The following ZNF543 variants were observed in gnomAD, a reference collection of about 807,000 sequenced individuals.
ZNF543 encodes zinc finger protein 543.
In ZNF543, 10 loss-of-function variants were observed where a neutral mutation model predicts 13.4. That is an observed-to-expected ratio of 0.75 (90% CI 0.46 to 1.26). The LOEUF (loss-of-function observed/expected upper bound fraction) is 1.26. Ranked by LOEUF, ZNF543 falls within the 50% of genes most tolerant of loss-of-function variation. The pLI is 0.00. For synonymous variants in ZNF543, 272 were observed against 264.7 expected (o/e 1.03, Z -0.27); for missense variants, 768 against 741.2 (o/e 1.04, Z -0.42).
chr19:57,327,744 T>G lies in ZNF543; in HGVS notation c.282T>G (p.Ser94=), dbSNP rs1401982278. Residue 94 remains serine (S), a synonymous_variant, in exon 4 of 4, where the codon TCT becomes TCG. Coordinates refer to ENST00000321545, the MANE Select transcript of ZNF543 (RefSeq NM_213598.4). ...TKPKTTEPTF[S]HLALPEEVLL... is the part of the protein sequence containing the mutation. Reference sequence around the variant, plus strand: ...CCAAGACCACAGAGCCTACCTTTTCTCACCTGGCCTTGCCTGAGGAAGTCT... The same window carrying G: ...CCAAGACCACAGAGCCTACCTTTTCGCACCTGGCCTTGCCTGAGGAAGTCT... The G allele has an allele frequency of 1.9e-6, 3 of 1,612,574 alleles. No individual in the cohort carries two copies. The highest frequency in any genetic ancestry group is 3.4e-5 in the Admixed American group (2 of 59,610).
At position 57,322,583 on chromosome 19, in the gene ZNF543, GA is replaced by G. The variant is rs773241946; in HGVS notation, c.19-1097del. ...TTAACTGTGCATTAACTTTGCTAAT[GA>G]AGGAGTGTCGGGTTGCATGATTAGA... On this transcript the variant is annotated intron_variant, in intron 1 of 3. Transcript: ENST00000321545. Among the ~76,000 whole-genome samples, 36 of 152,136 alleles carry G rather than the reference GA, an allele frequency of 2.4e-4. No homozygotes were observed. The South Asian group carries it at 4.8e-3, about 20-fold the overall frequency.
In ZNF543 at chr19:57,328,285, C is replaced by G. The variant is rs1452433964; in HGVS notation, c.823C>G (p.Arg275Gly). ...CAGGTCACACCTCACACGGCACCAGCGGATTCACAGTGGAGAGAAGCCTTA... is the reference window on the plus strand; with the variant it reads ...CAGGTCACACCTCACACGGCACCAGGGGATTCACAGTGGAGAGAAGCCTTA... Reference protein sequence around the residue: ...NRRSHLTRHQRIHSGEKPYKC... With the variant: ...NRRSHLTRHQGIHSGEKPYKC... The change falls in exon 4 of 4, where the codon CGG becomes GGG. Residue 275 changes from arginine (R) to glycine (G), a missense_variant. Coordinates refer to ENST00000321545, the MANE Select transcript of ZNF543 (RefSeq NM_213598.4). 4.3e-6 allele frequency: 7 copies of G among 1,613,482 alleles called. No individual in the cohort carries two copies. The South Asian group carries it at 7.7e-5, about 18-fold the overall frequency.
rs2088133541 is a variant in ZNF543 at position 57,327,986 on chromosome 19, A to G, written c.524A>G (p.Glu175Gly). ...TKITQKQVSTEGDLYECDSHG... is the reference protein window; with the variant it reads ...TKITQKQVSTGGDLYECDSHG... ...ATTACACAGAAACAAGTTTCAACAGAAGGTGATCTCTATGAATGTGATTCA... is the reference window on the plus strand; with the variant it reads ...ATTACACAGAAACAAGTTTCAACAGGAGGTGATCTCTATGAATGTGATTCA... Residue 175 changes from glutamate (E) to glycine (G), a missense_variant, in exon 4 of 4, where the codon GAA becomes GGA. By Grantham distance (98) the Glu-to-Gly change is moderately conservative. Coordinates refer to ENST00000321545, the MANE Select transcript of ZNF543 (RefSeq NM_213598.4). 1 of 1,614,198 alleles carries G rather than the reference A, an allele frequency of 6.2e-7. No homozygotes were observed. The highest frequency in any genetic ancestry group is 8.5e-7 in the Non-Finnish European group (1 of 1,180,048).
At chr19:57,323,383 G>A (rs530865747) in intron 1 of ZNF543, among the ~76,000 whole-genome samples, 8 of 152,070 alleles carry the variant, frequency 5.3e-5, no homozygotes, top group Non-Finnish European at 1.2e-4. Context: ...TAGCAGAGAC[G>A]GGGTTTCACC....
intron 1 of ZNF543, among the ~76,000 whole-genome samples, chr19:57,322,086 A>G (rs1028646181): frequency 4.6e-5 from 7 of 152,128 alleles, no homozygotes; most frequent in Admixed American, 2.0e-4. Flanking sequence ...CCATGTTCTC[A>G]TGGCTACAAC....
rs35270500 is a variant in ZNF543, at chr19:57,328,150, A to G, written c.688A>G (p.Thr230Ala). The change falls in exon 4 of 4, where the codon ACA (threonine) becomes GCA (alanine). Residue 230 changes from threonine (T) to alanine (A), a missense_variant. Thr to Ala is a moderately conservative substitution (Grantham distance 58). Transcript: ENST00000321545. The part of the protein sequence containing the change: ...IHTQVKPYEC[T>A]ECGKTFSKST... ...CACTCAAGTGAAGCCCTATGAATGC[A>G]CAGAGTGTGGGAAAACCTTTAGCAA... The G allele has an allele frequency of 1.4e-3, 2,190 of 1,614,262 alleles. 3 individuals are homozygous for G. Among genetic ancestry groups the G allele is most frequent in the Middle Eastern group, 6.6e-3 (40 of 6,062 alleles).
At chr19:57,327,549 T>C (rs559468576) in intron 3 of ZNF543, among the ~76,000 whole-genome samples, 155 bp from the exon 4 acceptor site, 1 of 112,244 alleles carries the variant, frequency 8.9e-6, no homozygotes, top group Admixed American at 9.5e-5. Context: ...TTCACCATGT[T>C]GGCCAGGCTG....
chr19:57,327,788 C>G lies in ZNF543; in HGVS notation c.326C>G (p.Thr109Arg), dbSNP rs781566461. The G allele has an allele frequency of 6.2e-7, 1 of 1,614,094 alleles. No individual in the cohort carries two copies. The highest frequency in any genetic ancestry group is 1.1e-5 in the South Asian group (1 of 91,082). Residue 109 changes from threonine to arginine, a missense_variant, in exon 4 of 4, where the codon ACA becomes AGA. Physicochemically the swap from Thr to Arg is moderately conservative, Grantham distance 71 (BLOSUM62 -1). Around this residue, in one of 3 missense-constraint regions of ZNF543, gnomAD observed 677 missense variants for 631.4 expected, o/e 1.07. Transcript: ENST00000321545. ...GAAGTCTTACTCCAGGAACAACTGA[C>G]ACAAGGAGCCTCAAAGAACTCCCAA... is the stretch of plus-strand genomic sequence containing the variant. Reference protein sequence around the residue: ...PEEVLLQEQLTQGASKNSQLG... With the variant: ...PEEVLLQEQLRQGASKNSQLG...
At position 57,329,835 on chromosome 19, in the gene ZNF543, G is replaced by C. The variant is rs915451264; in HGVS notation, c.*570G>C. On this transcript the variant is annotated 3_prime_UTR_variant, in exon 4 of 4. Coordinates refer to ENST00000321545, the MANE Select transcript of ZNF543 (RefSeq NM_213598.4). ...CCATCTCAGGGATATTTAAACAAAG[G>C]AAGAGGAAATATAGGGAAGAGAAAG... 3.9e-5 allele frequency: 6 copies of C among 152,340 alleles called. No homozygotes were observed. The highest frequency in any genetic ancestry group is 1.4e-4 in the African/African-American group (6 of 41,450). 9.4% of individuals were successfully genotyped at this position (152,340 alleles called of 1,614,324 possible). A position where few individuals can be genotyped will look rare whatever the true frequency, so the allele number is the denominator to read the frequency against.
chr19:57,320,568 G>T lies in ZNF543; in HGVS notation c.-286G>T, dbSNP rs1006019261. On this transcript the variant is annotated 5_prime_UTR_variant, in exon 1 of 4. Transcript: ENST00000321545. ...CGTCCAGCGGCCTGAGCAGGGGAGG[G>T]TAATGAGGCTGTTACGCGCCTTCTC... 2 of 474,424 alleles carry T rather than the reference G, an allele frequency of 4.2e-6. No homozygotes were observed. The highest frequency in any genetic ancestry group is 7.6e-6 in the Non-Finnish European group (2 of 263,042). The allele number at this position is 474,424 out of a possible 1,614,324, so 29.4% of individuals were successfully genotyped here. A position where few individuals can be genotyped will look rare whatever the true frequency, so the allele number is the denominator to read the frequency against.
In ZNF543 at chr19:57,329,409, C is replaced by A; in HGVS notation, c.*144C>A. On this transcript the variant is annotated 3_prime_UTR_variant, in exon 4 of 4. Transcript: ENST00000321545. ...AACCAGCCTGGAGTCTTATTCTCCA[C>A]CTGAGAATTCACCCATGAGAGAGAC... The A allele has an allele frequency of 8.8e-7, 1 of 1,133,422 alleles. No homozygotes were observed. Among genetic ancestry groups the A allele is most frequent in the Non-Finnish European group, 1.2e-6 (1 of 812,796 alleles). The allele number at this position is 1,133,422 out of a possible 1,614,324, so 70.2% of individuals were successfully genotyped here. A position where few individuals can be genotyped will look rare whatever the true frequency, so the allele number is the denominator to read the frequency against.
chr19:57,328,642 C>G lies in ZNF543; in HGVS notation c.1180C>G (p.Pro394Ala). The G allele has an allele frequency of 6.2e-7, 1 of 1,613,960 alleles. No homozygotes were observed. The highest frequency in any genetic ancestry group is 8.5e-7 in the Non-Finnish European group (1 of 1,179,980). The change falls in exon 4 of 4, where the codon CCC (proline) becomes GCC (alanine). Residue 394 changes from proline to alanine, a missense_variant. Physicochemically the swap from Pro to Ala is conservative, Grantham distance 27 (BLOSUM62 -1). This residue lies in a region of ZNF543 where 677 missense variants were observed against 631.4 expected (regional missense o/e 1.07). Coordinates refer to ENST00000321545, the MANE Select transcript of ZNF543 (RefSeq NM_213598.4). The stretch of plus-strand genomic sequence containing the variant: ...CTACATTATCCACACTGGGGAGAAG[C>G]CCTATAAGTGCATGGAGTGTGGGAA... ...QHYIIHTGEK[P>A]YKCMECGKAF... is the part of the protein sequence containing the mutation.
In ZNF543 at chr19:57,320,801, G is replaced by C; in HGVS notation, c.-53G>C. On this transcript the variant is annotated 5_prime_UTR_variant, in exon 1 of 4. Transcript: ENST00000321545. ...CCGCCCAGGACAGAGAAGGGCTGGG[G>C]GTCGGCTGAGCCGCGGCATTCCCGG... is the stretch of plus-strand genomic sequence containing the variant. The C allele has an allele frequency of 6.2e-7, 1 of 1,611,650 alleles. No homozygotes were observed. The highest frequency in any genetic ancestry group is 8.5e-7 in the Non-Finnish European group (1 of 1,179,020).
At position 57,323,510 on chromosome 19, in the gene ZNF543, C is replaced by G. The variant is rs1191882997; in HGVS notation, c.19-172C>G. 5.8e-6 allele frequency: 5 copies of G among 858,286 alleles called. No individual in the cohort carries two copies. In the East Asian group the frequency reaches 1.6e-4, roughly 27 times the overall value. The allele number at this position is 858,286 out of a possible 1,614,324, so 53.2% of individuals were successfully genotyped here. A position where few individuals can be genotyped will look rare whatever the true frequency, so the allele number is the denominator to read the frequency against. ...CCTGACCGACACTGCTGTAATTTAT[C>G]CAAGGCAATGTCCACATTCCCCTCA... is the stretch of plus-strand genomic sequence containing the variant. On this transcript the variant is annotated intron_variant, in intron 1 of 3. Coordinates refer to ENST00000321545, the MANE Select transcript of ZNF543 (RefSeq NM_213598.4).
chr19:57,323,790 G>C lies in ZNF543; in HGVS notation c.127G>C (p.Gly43Arg), dbSNP rs972663854. 1.2e-6 allele frequency: 2 copies of C among 1,612,994 alleles called. No homozygotes were observed. The highest frequency in any genetic ancestry group is 2.2e-5 in the South Asian group (2 of 91,068). ...TCAGGAGGTGATGCTGGAGACCTGCGGACTTCTCATGTCTCTGGGTAAGGC... is the reference window on the plus strand; with the variant it reads ...TCAGGAGGTGATGCTGGAGACCTGCCGACTTCTCATGTCTCTGGGTAAGGC... ...LYQEVMLETC[G>R]LLMSLGCPLF... The change falls in exon 2 of 4, where the codon GGA (glycine) becomes CGA (arginine). Residue 43 changes from glycine (G) to arginine (R), a missense_variant. Gly to Arg is a moderately radical substitution (Grantham distance 125, BLOSUM62 -2). This residue lies in a region of ZNF543 where 77 missense variants were observed against 75.5 expected (regional missense o/e 1.02). Coordinates refer to ENST00000321545, the MANE Select transcript of ZNF543 (RefSeq NM_213598.4).
Position 57,328,940 on chromosome 19 carries a change from A to C in ZNF543, c.1478A>C (p.His493Pro). ...ECGKAFNRSS[H>P]LTRHQQIHTG... Reference sequence around the variant, plus strand: ...GGAAAGGCCTTCAACCGCAGCTCACACCTCACGAGGCACCAACAGATTCAC... The same window carrying C: ...GGAAAGGCCTTCAACCGCAGCTCACCCCTCACGAGGCACCAACAGATTCAC... The change falls in exon 4 of 4, where the codon CAC becomes CCC. Residue 493 changes from histidine to proline, a missense_variant. Coordinates refer to ENST00000321545, the MANE Select transcript of ZNF543 (RefSeq NM_213598.4). 1 of 1,614,096 alleles carries C rather than the reference A, an allele frequency of 6.2e-7. No individual in the cohort carries two copies. The highest frequency in any genetic ancestry group is 8.5e-7 in the Non-Finnish European group (1 of 1,179,990).
In ZNF543 at chr19:57,329,294, A is replaced by G. The variant is rs1429695089; in HGVS notation, c.*29A>G. On this transcript the variant is annotated 3_prime_UTR_variant, in exon 4 of 4. Coordinates refer to ENST00000321545, the MANE Select transcript of ZNF543 (RefSeq NM_213598.4). ...GGAACATCTTACCATCTGGCCATTC[A>G]CACTGAAGAGAAACTTCATAAGCAT... The G allele has an allele frequency of 6.4e-7, 1 of 1,557,670 alleles. No individual in the cohort carries two copies. Among genetic ancestry groups the G allele is most frequent in the African/African-American group, 1.4e-5 (1 of 72,898 alleles).
At position 57,320,599 on chromosome 19, in the gene ZNF543, C is replaced by A. The variant is rs576600060; in HGVS notation, c.-255C>A. On this transcript the variant is annotated 5_prime_UTR_variant, in exon 1 of 4. Coordinates refer to ENST00000321545, the MANE Select transcript of ZNF543 (RefSeq NM_213598.4). The stretch of plus-strand genomic sequence containing the variant: ...AGGCTGTTACGCGCCTTCTCCGCAT[C>A]TTGGCGGGAGCCTGACGCCCCGCTT... 1 of 527,120 alleles carries A rather than the reference C, an allele frequency of 1.9e-6. No homozygotes were observed. The highest frequency in any genetic ancestry group is 3.4e-6 in the Non-Finnish European group (1 of 296,376). The allele number at this position is 527,120 out of a possible 1,614,324, so 32.7% of individuals were successfully genotyped here.
chr19:57,326,479 G>A (rs1477667586), intron 2 of ZNF543, among the ~76,000 whole-genome samples, 154 bp from the exon 3 acceptor site: 1 of 152,192 alleles, frequency 6.6e-6, no homozygotes, highest in African/African-American at 2.4e-5. Flanking sequence ...TGGTGTTTTT[G>A]TGGTTGTTTT....
Sources: allele counts gnomAD v4.1 joint callset (sites outside exome capture counted in the v4.1 genomes callset), GRCh38; gene constraint gnomAD v4.1.1; regional missense constraint gnomAD v4.1.1; transcripts MANE v1.5; gene names NCBI Gene and HGNC (gene_info 2026-07-23, HGNC 2026-07-21).